CUL5: variants seen among roughly 807,000 people sequenced by gnomAD.
CUL5 encodes the protein cullin 5.
Under a neutral mutation model 108.8 loss-of-function variants are expected in CUL5, and 26 were observed. That is an observed-to-expected ratio of 0.24 (90% CI 0.18 to 0.33). The LOEUF is 0.33. CUL5 is among the 10% of genes least tolerant of loss of function. CUL5 has a pLI of 1.00. For missense variants in CUL5, 524 were observed against 909.2 expected, an observed-to-expected ratio of 0.58 and a Z score of 5.45; for synonymous variants, 334 against 298.0, an observed-to-expected ratio of 1.12 and a Z score of -1.25.
intron 7 of CUL5, among the ~76,000 whole-genome samples, chr11:108,067,931 T>C (rs1291835360): frequency 1.3e-5 from 2 of 152,174 alleles, no homozygotes; most frequent in Non-Finnish European, 2.9e-5. Context: ...ATTTTTCTTT[T>C]TTTTTTCCTT....
chr11:108,100,031 A>G (rs776809632), intron 18 of CUL5, among the ~76,000 whole-genome samples: 5 of 151,952 alleles, frequency 3.3e-5, no homozygotes, highest in Non-Finnish European at 7.4e-5. Context: ...TTTTTCTGAT[A>G]TTAATATCAA....
At chr11:108,073,865 C>A (rs930941677) in intron 10 of CUL5, 6 of 156,286 alleles carry the variant, frequency 3.8e-5, no homozygotes, top group African/African-American at 1.4e-4. Flanking sequence ...CAGCTCATCA[C>A]CAGCAGAGTT....
At chr11:108,046,499 ATAAAT>A in intron 3 of CUL5, 130 bp downstream of exon 3, 2 of 563,396 alleles carry the variant, frequency 3.5e-6, no homozygotes, top group Non-Finnish European at 3.1e-6. Context: ...CATTTGTTAA[ATAAAT>A]TTATTAATGA....
At chr11:108,089,435 A>C (rs1158428803) in intron 12 of CUL5, 57 bp from the exon 13 acceptor site, 1 of 1,356,564 alleles carries the variant, frequency 7.4e-7, no homozygotes, top group African/African-American at 1.5e-5. Flanking sequence ...GAAAGGTCTA[A>C]ATTCGAGAGA....
At chr11:108,047,890 A>AT (rs1863105591) in intron 3 of CUL5, among the ~76,000 whole-genome samples, 1 of 152,174 alleles carries the variant, frequency 6.6e-6, no homozygotes, top group Non-Finnish European at 1.5e-5. Flanking sequence ...ATGAAGAATT[A>AT]CCTTGGATGT....
At position 108,033,797 on chromosome 11, in the gene CUL5, TC is replaced by T; in HGVS notation, c.25-4del. ...AAACTCCCTTTTATCTTTTTTTTTT[TC>T]AAGAATAAAGGTTCTCTTCAGTTTG... On this transcript the variant is annotated splice_polypyrimidine_tract_variant and splice_region_variant and intron_variant, in intron 1 of 18. Coordinates refer to ENST00000393094, the MANE Select transcript of CUL5 (RefSeq NM_003478.6). 1.3e-6 allele frequency: 2 copies of T among 1,541,590 alleles called. No individual in the cohort carries two copies. Among genetic ancestry groups the T allele is most frequent in the Admixed American group, 2.0e-5 (1 of 50,062 alleles).
intron 1 of CUL5, among the ~76,000 whole-genome samples, chr11:108,019,193 T>TGGGTGG (rs531734915): frequency 0.24 from 3,796 of 15,996 alleles, 248 homozygotes; most frequent in African/African-American, 0.44. Flanking sequence ...GGTATCCCGA[T>TGGGTGG]GGGTGGGGGT....
At chr11:108,089,430 G>A (rs1864298568) in intron 12 of CUL5, 62 bp from the exon 13 acceptor site, 2 of 1,270,442 alleles carry the variant, frequency 1.6e-6, no homozygotes, top group Non-Finnish European at 2.2e-6. Flanking sequence ...ATATAGAAAG[G>A]TCTAAATTCG....
chr11:108,010,093 A>G (rs990100090), intron 1 of CUL5, among the ~76,000 whole-genome samples: 2 of 152,390 alleles, frequency 1.3e-5, no homozygotes, highest in South Asian at 2.1e-4. Flanking sequence ...CTAGGCCCAC[A>G]GGGGCAGATT....
Position 108,009,335 on chromosome 11 carries a change from C to A in CUL5, c.-14C>A. 6.2e-7 allele frequency: 1 copy of A among 1,612,748 alleles called. No homozygotes were observed. Among genetic ancestry groups the A allele is most frequent in the Non-Finnish European group, 8.5e-7 (1 of 1,179,430 alleles). On this transcript the variant is annotated 5_prime_UTR_variant, in exon 1 of 19. Coordinates refer to ENST00000393094, the MANE Select transcript of CUL5 (RefSeq NM_003478.6). ...AATTCTCGCGTCGTCTCGCGAGAGT[C>A]CAAGTTAAAGAACATGGCGACGTCT...
Position 108,097,501 on chromosome 11 carries a change from T to C in CUL5, c.1906-135T>C, listed in dbSNP as rs1381176217. The C allele has an allele frequency of 3.1e-5, 18 of 574,144 alleles. No individual in the cohort carries two copies. The East Asian group carries it at 4.6e-4, about 15-fold the overall frequency. 35.6% of individuals were successfully genotyped at this position (574,144 alleles called of 1,614,324 possible). A position where few individuals can be genotyped will look rare whatever the true frequency, so the allele number is the denominator to read the frequency against. On this transcript the variant is annotated intron_variant, in intron 16 of 18. Coordinates refer to ENST00000393094, the MANE Select transcript of CUL5 (RefSeq NM_003478.6). ...TTCCTCATTATGCATTCAAATGTTA[T>C]ATTCATGGAAGTACCACACATTTTA...
Position 108,097,678 on chromosome 11 carries a change from T to C in CUL5, c.1948T>C (p.Tyr650His). Reference protein sequence around the residue: ...FPKLKRQVLLYEPQVNSPKDF... With the variant: ...FPKLKRQVLLHEPQVNSPKDF... ...AAAACTCAAACGGCAAGTTTTGTTG[T>C]ATGAACCTCAAGTCAACTCACCCAA... The change falls in exon 17 of 19, where the codon TAT becomes CAT. Residue 650 changes from tyrosine to histidine, a missense_variant. Around this residue, in one of 8 missense-constraint regions of CUL5, gnomAD observed 66 missense variants for 81.4 expected, o/e 0.81. Coordinates refer to ENST00000393094, the MANE Select transcript of CUL5 (RefSeq NM_003478.6). 6.2e-7 allele frequency: 1 copy of C among 1,613,774 alleles called. No homozygotes were observed. Among genetic ancestry groups the C allele is most frequent in the Non-Finnish European group, 8.5e-7 (1 of 1,179,758 alleles).
intron 1 of CUL5, among the ~76,000 whole-genome samples, chr11:108,019,117 A>G (rs888445034): frequency 3.5e-5 from 5 of 143,424 alleles, no homozygotes; most frequent in Non-Finnish European, 6.0e-5. Flanking sequence ...GTATGGGAGG[A>G]TGTGCATGGG....
At chr11:108,052,537 C>T in intron 4 of CUL5, 123 bp from the exon 5 acceptor site, 1 of 804,784 alleles carries the variant, frequency 1.2e-6, no homozygotes, top group Non-Finnish European at 1.9e-6. Flanking sequence ...GTTGGGACTA[C>T]AGGCGTGAGC....
Position 108,029,626 on chromosome 11 carries a change from T to C in CUL5, c.25-4176T>C, listed in dbSNP as rs149717141. Among the ~76,000 whole-genome samples, 103 of 152,336 alleles carry C rather than the reference T, an allele frequency of 6.8e-4. 1 individual carries two copies. Among genetic ancestry groups the C allele is most frequent in the African/African-American group, 2.3e-3 (97 of 41,572 alleles). ...ATGATTTAATGATATGCTCTTCAGT[T>C]TAATAGAGAATAGGTCAAGGAACTA... On this transcript the variant is annotated intron_variant, in intron 1 of 18. Coordinates refer to ENST00000393094, the MANE Select transcript of CUL5 (RefSeq NM_003478.6).
At chr11:108,101,765 T>C (rs1425357299) in intron 18 of CUL5, among the ~76,000 whole-genome samples, 2 of 152,208 alleles carry the variant, frequency 1.3e-5, no homozygotes, top group Non-Finnish European at 2.9e-5. Context: ...TCTCTTTTCC[T>C]CTTAGGTTCT....
chr11:108,098,569 T>A (rs757432043), intron 18 of CUL5, 40 bp downstream of exon 18: 54 of 1,352,586 alleles, frequency 4.0e-5, no homozygotes, highest in Admixed American at 7.2e-5. Flanking sequence ...TTAAAAAAAC[T>A]TTAGTTTTTT....
chr11:108,012,178 C>T (rs142510230), intron 1 of CUL5, among the ~76,000 whole-genome samples: 2,103 of 152,186 alleles, frequency 0.014, 23 homozygotes, highest in Middle Eastern at 0.088. Flanking sequence ...ATAATTTTAT[C>T]TTCTGTTTTA....
intron 4 of CUL5, 90 bp from the exon 5 acceptor site, chr11:108,052,570 C>T: frequency 2.4e-6 from 3 of 1,271,862 alleles, no homozygotes; most frequent in Non-Finnish European, 3.3e-6. Flanking sequence ...CCCAGGCCTA[C>T]AAATTTGATT....
Sources: gnomAD v4.1 joint callset for allele counts (sites outside exome capture counted in the v4.1 genomes callset) on GRCh38, gnomAD v4.1.1 for gene constraint, gnomAD v4.1.1 regional missense constraint, MANE v1.5 for transcripts, NCBI Gene and HGNC (gene_info 2026-07-23, HGNC 2026-07-21) for gene names.